Variants in RIN3 observed in about 807,000 individuals in gnomAD.
RIN3 encodes RAB5 interacting protein 3.
A neutral mutation model predicts 76.3 loss-of-function variants in RIN3; 54 were observed. The observed-to-expected ratio is 0.71, with a 90% CI of 0.57 to 0.89. The LOEUF is 0.89. Among genes scored for constraint, RIN3 ranks in the 40% least tolerant of loss-of-function variants. RIN3 has a pLI of 0.00. For synonymous variants in RIN3, 576 were observed against 564.0 expected (o/e 1.02, Z -0.30); for missense variants, 1,256 against 1,322.1 (o/e 0.95, Z 0.78).
rs1888827707 is a variant in RIN3 at position 92,685,666 on chromosome 14, C to G, written c.2631+516C>G. ...CAGTCCCGCCCCTCCCCAACTCCAT[C>G]ACCCCACCCACCCCCAGGCTGCATC... On this transcript the variant is annotated intron_variant, in intron 9 of 9. Coordinates refer to ENST00000216487, the MANE Select transcript of RIN3 (RefSeq NM_024832.5). This position sits in a 1 kb window ranked among gnomAD's most constrained non-coding sequence, Gnocchi z 4.7. 2 of 140,056 alleles carry G rather than the reference C, an allele frequency of 1.4e-5. No homozygotes were observed. Among genetic ancestry groups the G allele is most frequent in the South Asian group, 5.1e-4 (2 of 3,886 alleles). The allele number at this position is 140,056 out of a possible 1,614,324, so 8.7% of individuals were successfully genotyped here. A position where few individuals can be genotyped will look rare whatever the true frequency, so the allele number is the denominator to read the frequency against.
chr14:92,635,471 G>T (rs889240619), intron 4 of RIN3, among the ~76,000 whole-genome samples: 2 of 152,152 alleles, frequency 1.3e-5, no homozygotes, highest in African/African-American at 4.8e-5. Flanking sequence ...GCGGAAAAGG[G>T]GATCAGTTTG....
chr14:92,676,386 C>G (rs1017183661), intron 7 of RIN3, 89 bp from the exon 8 acceptor site: 41 of 1,479,888 alleles, frequency 2.8e-5, no homozygotes, highest in Admixed American at 5.3e-5. Context: ...CATCCACACT[C>G]AGCAAACCAC....
chr14:92,561,044 A>ATATATATATATATATATATATAT lies in RIN3; in HGVS notation c.249+5089_249+5090insTATATATATATATATATATATAT, dbSNP rs1410361225. 2.1e-3 allele frequency among the ~76,000 whole-genome samples: 50 copies of ATATATATATATATATATATATAT among 24,356 alleles called. 3 individuals carry two copies. Among genetic ancestry groups the ATATATATATATATATATATATAT allele is most frequent in the East Asian group, 7.4e-3 (4 of 540 alleles). The allele number at this position is 24,356 out of a possible 152,430, so 16.0% of individuals were successfully genotyped here. ...CTAAAAAAAAAAAAAAAAAAAAAAA[A>ATATATATATATATATATATATAT]ATATATATATATCTGCCATATATAT... On this transcript the variant is annotated intron_variant, in intron 2 of 9. Coordinates refer to ENST00000216487, the MANE Select transcript of RIN3 (RefSeq NM_024832.5).
chr14:92,649,006 G>C (rs1887305127), intron 5 of RIN3, among the ~76,000 whole-genome samples: 1 of 152,204 alleles, frequency 6.6e-6, no homozygotes, highest in African/African-American at 2.4e-5. Context: ...AGATAGAGTG[G>C]AGTGAAGACT....
chr14:92,561,159 T>TTA (rs1555383895), intron 2 of RIN3, among the ~76,000 whole-genome samples: 14 of 134,780 alleles, frequency 1.0e-4, no homozygotes, highest in Non-Finnish European at 1.6e-4. Flanking sequence ...ATATATATAT[T>TTA]TATATATATA....
At chr14:92,605,118 C>G (rs1161367512) in intron 3 of RIN3, among the ~76,000 whole-genome samples, 2 of 152,000 alleles carry the variant, frequency 1.3e-5, no homozygotes, top group East Asian at 3.8e-4. Context: ...ACCATGTTGC[C>G]TAGGCTGGTC....
intron 7 of RIN3, among the ~76,000 whole-genome samples, chr14:92,664,364 CTT>C (rs373597134): frequency 3.6e-5 from 3 of 84,444 alleles, no homozygotes; most frequent in African/African-American, 1.2e-4. Context: ...TTCTTTCTTT[CTT>C]TTTTTTTTTT....
intron 3 of RIN3, 45 bp downstream of exon 3, chr14:92,577,522 A>G (rs1217398323): frequency 4.0e-6 from 5 of 1,243,526 alleles, no homozygotes; most frequent in Middle Eastern, 2.4e-4. Flanking sequence ...ACGCGGCAGC[A>G]GCAGCAGCAG....
chr14:92,685,304 C>T lies in RIN3; in HGVS notation c.2631+154C>T, dbSNP rs1171642411. 5 of 733,072 alleles carry T rather than the reference C, an allele frequency of 6.8e-6. No individual in the cohort carries two copies. Among genetic ancestry groups the T allele is most frequent in the Non-Finnish European group, 1.1e-5 (5 of 459,014 alleles). The allele number at this position is 733,072 out of a possible 1,614,324, so 45.4% of individuals were successfully genotyped here. A position where few individuals can be genotyped will look rare whatever the true frequency, so the allele number is the denominator to read the frequency against. ...GAGACTCCCCACACCAGAGGAAGGG[C>T]CCCCAGCCCCTGCTGCCAGTGTGTG... On this transcript the variant is annotated intron_variant, in intron 9 of 9. Transcript: ENST00000216487. This position sits in a 1 kb window ranked among gnomAD's most constrained non-coding sequence, Gnocchi z 4.7.
Position 92,555,960 on chromosome 14 carries a change from G to A in RIN3, c.249+5G>A. On this transcript the variant is annotated splice_donor_5th_base_variant and intron_variant, in intron 2 of 9. Transcript: ENST00000216487. ...CTGCACCGGGTGGTGGCTGGGGTGA[G>A]TGGGGGCGTCTCCCACTTGGTAGGC... The A allele has an allele frequency of 6.2e-7, 1 of 1,610,326 alleles. No homozygotes were observed. Among genetic ancestry groups the A allele is most frequent in the Non-Finnish European group, 8.5e-7 (1 of 1,179,666 alleles).
intron 3 of RIN3, among the ~76,000 whole-genome samples, chr14:92,604,081 C>G (rs2140091659): frequency 6.6e-6 from 1 of 152,346 alleles, no homozygotes; most frequent in Non-Finnish European, 1.5e-5. Flanking sequence ...GTAACTATGT[C>G]CTTCAAAATG....
chr14:92,521,256 T>C (rs761287685), intron 1 of RIN3, among the ~76,000 whole-genome samples: 5 of 152,026 alleles, frequency 3.3e-5, no homozygotes, highest in Non-Finnish European at 5.9e-5. Flanking sequence ...CATCCATGCA[T>C]CCATCCATCC....
intron 2 of RIN3, among the ~76,000 whole-genome samples, chr14:92,570,362 C>T (rs1898030897): frequency 6.6e-6 from 1 of 152,046 alleles, no homozygotes; most frequent in African/African-American, 2.4e-5. Context: ...ACACTGTCCA[C>T]TTTAACTAAT....
At chr14:92,675,033 A>C (rs368765387) in intron 7 of RIN3, among the ~76,000 whole-genome samples, 3 of 152,266 alleles carry the variant, frequency 2.0e-5, no homozygotes, top group South Asian at 2.1e-4. Flanking sequence ...ATGTCTCTCT[A>C]TGTCCCCAAA....
At chr14:92,666,710 T>A (rs1042479737) in intron 7 of RIN3, among the ~76,000 whole-genome samples, 1 of 152,152 alleles carries the variant, frequency 6.6e-6, no homozygotes, top group African/African-American at 2.4e-5. Context: ...TCGGAGCTGG[T>A]CCTCTGCTGG....
chr14:92,661,633 A>T (rs1346352363), intron 7 of RIN3, among the ~76,000 whole-genome samples: 1 of 152,032 alleles, frequency 6.6e-6, no homozygotes, highest in Non-Finnish European at 1.5e-5. Context: ...CTGGAGCAGG[A>T]GAATCACTTG....
At chr14:92,669,471 G>A (rs892613560) in intron 7 of RIN3, among the ~76,000 whole-genome samples, 6 of 152,182 alleles carry the variant, frequency 3.9e-5, no homozygotes, top group Non-Finnish European at 8.8e-5. Context: ...TAGCTGAGGA[G>A]GTCTTCAAGG....
chr14:92,586,405 T>C (rs1884779221), intron 3 of RIN3: 1 of 152,230 alleles, frequency 6.6e-6, no homozygotes, highest in African/African-American at 2.4e-5. Flanking sequence ...CTCATAGAGG[T>C]TTTGGCTAAA....
chr14:92,599,169 T>C (rs1023438085), intron 3 of RIN3, among the ~76,000 whole-genome samples: 3 of 152,158 alleles, frequency 2.0e-5, no homozygotes, highest in Non-Finnish European at 2.9e-5. Flanking sequence ...TAAATGGCCC[T>C]GGGGAACCCC....
Sources: allele counts gnomAD v4.1 joint callset (sites outside exome capture counted in the v4.1 genomes callset), GRCh38; gene constraint gnomAD v4.1.1; non-coding constraint Gnocchi (gnomAD v3.1); transcripts MANE v1.5; gene names NCBI Gene and HGNC (gene_info 2026-07-23, HGNC 2026-07-21).